SLC38A1: variants seen among roughly 807,000 people sequenced by gnomAD.
The protein encoded by SLC38A1 is sodium-coupled neutral amino acid symporter 1.
SLC38A1 carries 18 observed loss-of-function variants against 60.3 expected under a neutral mutation model. The ratio of observed to expected loss-of-function variants is 0.30; its 90% CI spans 0.21 to 0.44. SLC38A1 has a LOEUF of 0.44. Among genes scored for constraint, SLC38A1 ranks in the 20% least tolerant of loss-of-function variants. The pLI, the probability that SLC38A1 is intolerant of heterozygous loss-of-function variation, is 1.00. For synonymous variants in SLC38A1, 196 were observed against 212.1 expected, an observed-to-expected ratio of 0.92 and a Z score of 0.66; for missense variants, 448 against 587.2, an observed-to-expected ratio of 0.76 and a Z score of 2.45.
At chr12:46,220,555 GAGGCAA>G (rs777974096) in intron 5 of SLC38A1, among the ~76,000 whole-genome samples, 3 of 152,154 alleles carry the variant, frequency 2.0e-5, no homozygotes, top group Non-Finnish European at 4.4e-5. Context: ...ATTTCCTAAG[GAGGCAA>G]AGAACTGCTC....
intron 5 of SLC38A1, among the ~76,000 whole-genome samples, chr12:46,223,220 G>T (rs1940727830): frequency 6.6e-6 from 1 of 152,196 alleles, no homozygotes; most frequent in East Asian, 1.9e-4. Flanking sequence ...TGTGATCACA[G>T]GTAAGTTATT....
chr12:46,192,411 C>T (rs781311161), intron 16 of SLC38A1, among the ~76,000 whole-genome samples: 4 of 152,120 alleles, frequency 2.6e-5, no homozygotes, highest in Non-Finnish European at 5.9e-5. Context: ...TGTTGTGTCT[C>T]CACCAGGCTT....
At chr12:46,203,371 G>C (rs937890405) in intron 11 of SLC38A1, among the ~76,000 whole-genome samples, 1 of 152,034 alleles carries the variant, frequency 6.6e-6, no homozygotes, top group Non-Finnish European at 1.5e-5. Context: ...TATACAGCAT[G>C]AGCCAGTTAC....
intron 9 of SLC38A1, 83 bp from the exon 10 acceptor site, chr12:46,204,673 A>G: frequency 9.8e-7 from 1 of 1,019,804 alleles, no homozygotes; most frequent in Non-Finnish European, 1.4e-6. Flanking sequence ...AACTGTTATT[A>G]TTTCAAAATT....
rs990844572 is a variant in SLC38A1, at chr12:46,254,933, G to A, written c.-208-11619C>T. On this transcript the variant is annotated intron_variant, in intron 1 of 16. Coordinates refer to ENST00000398637, the MANE Select transcript of SLC38A1 (RefSeq NM_030674.4). ...CTGTAAATAGCTCAAAAGTTTCCTTGACTCTGAAAAACAAAACAAAGGGTC... is the reference window on the plus strand; with the variant it reads ...CTGTAAATAGCTCAAAAGTTTCCTTAACTCTGAAAAACAAAACAAAGGGTC... 3.9e-5 allele frequency: 6 copies of A among 152,360 alleles called. No individual in the cohort carries two copies. In the East Asian group the frequency reaches 1.2e-3, roughly 29 times the overall value. 9.4% of individuals were successfully genotyped at this position (152,360 alleles called of 1,614,324 possible). A position where few individuals can be genotyped will look rare whatever the true frequency, so the allele number is the denominator to read the frequency against.
intron 5 of SLC38A1, among the ~76,000 whole-genome samples, chr12:46,214,811 G>C (rs114712314): frequency 0.011 from 1,668 of 152,270 alleles, 33 homozygotes; most frequent in African/African-American, 0.038. Flanking sequence ...CAGAACCTTT[G>C]GTAGGGGTGG....
intron 16 of SLC38A1, among the ~76,000 whole-genome samples, chr12:46,189,276 A>C (rs1000827194): frequency 6.6e-6 from 1 of 152,062 alleles, no homozygotes; most frequent in African/African-American, 2.4e-5. Context: ...AAAAAAAAAA[A>C]ACTAGCTAAG....
At chr12:46,225,923 G>A (rs1484408119) in intron 5 of SLC38A1, among the ~76,000 whole-genome samples, 1 of 151,974 alleles carries the variant, frequency 6.6e-6, no homozygotes, top group African/African-American at 2.4e-5. Flanking sequence ...GAAAGAAATG[G>A]GAAAATATAA....
chr12:46,222,775 A>G (rs1034058901), intron 5 of SLC38A1, among the ~76,000 whole-genome samples: 15 of 152,236 alleles, frequency 9.9e-5, no homozygotes, highest in African/African-American at 3.6e-4. Flanking sequence ...TAAATTGCAC[A>G]TGCAGGAACC....
intron 5 of SLC38A1, among the ~76,000 whole-genome samples, chr12:46,218,535 C>T (rs1033159932): frequency 1.3e-5 from 2 of 152,082 alleles, no homozygotes; most frequent in Non-Finnish European, 2.9e-5. Flanking sequence ...TGTTGCTCTC[C>T]TCCCCACAGA....
At chr12:46,219,947 G>A (rs187455443) in intron 5 of SLC38A1, among the ~76,000 whole-genome samples, 5 of 152,116 alleles carry the variant, frequency 3.3e-5, no homozygotes, top group African/African-American at 7.2e-5. Flanking sequence ...TAGCGCATGT[G>A]CGCGCACACA....
chr12:46,228,396 A>T (rs902994474), intron 5 of SLC38A1, among the ~76,000 whole-genome samples: 1 of 152,224 alleles, frequency 6.6e-6, no homozygotes, highest in Admixed American at 6.5e-5. Context: ...AGGACTATCT[A>T]GCCAGGCCAA....
At chr12:46,229,132 T>C in intron 5 of SLC38A1, 21 bp downstream of exon 5, 1 of 1,423,242 alleles carries the variant, frequency 7.0e-7, no homozygotes, top group Non-Finnish European at 9.9e-7. Context: ...AAATGGAAAG[T>C]ACCGGCACGT....
intron 16 of SLC38A1, among the ~76,000 whole-genome samples, chr12:46,191,317 T>C (rs1373935751): frequency 2.0e-5 from 3 of 152,230 alleles, no homozygotes; most frequent in South Asian, 2.1e-4. Flanking sequence ...ACCAGTACCA[T>C]GCTGTTTTCG....
chr12:46,264,835 G>A (rs778104851), intron 1 of SLC38A1, among the ~76,000 whole-genome samples: 1 of 152,126 alleles, frequency 6.6e-6, no homozygotes, highest in Non-Finnish European at 1.5e-5. Flanking sequence ...CATACAAGAT[G>A]TCTTTTTCGA....
intron 5 of SLC38A1, among the ~76,000 whole-genome samples, chr12:46,210,498 A>G (rs769512870): frequency 2.0e-5 from 3 of 152,214 alleles, no homozygotes. Flanking sequence ...ATTCAGATCT[A>G]TACTTATTTC....
intron 11 of SLC38A1, 150 bp from the exon 12 acceptor site, chr12:46,203,239 G>A: frequency 1.5e-6 from 1 of 669,658 alleles, no homozygotes; most frequent in South Asian, 2.1e-5. Flanking sequence ...CTCTAAAGTA[G>A]AAGCAGCTTT....
chr12:46,192,731 T>C (rs1174955560), intron 16 of SLC38A1, among the ~76,000 whole-genome samples: 1 of 152,222 alleles, frequency 6.6e-6, no homozygotes, highest in East Asian at 1.9e-4. Flanking sequence ...GAGGTGTTTA[T>C]AGTATTCTCT....
chr12:46,259,001 T>TTA (rs1183880529), intron 1 of SLC38A1, among the ~76,000 whole-genome samples: 1 of 152,166 alleles, frequency 6.6e-6, no homozygotes, highest in African/African-American at 2.4e-5. Context: ...TAATATTGTA[T>TTA]TATATATATG....
Sources: gnomAD v4.1 joint callset for allele counts (sites outside exome capture counted in the v4.1 genomes callset) on GRCh38, gnomAD v4.1.1 for gene constraint, MANE v1.5 for transcripts, NCBI Gene and HGNC (gene_info 2026-07-23, HGNC 2026-07-21) for gene names.